Variants in KCNIP4 observed in about 807,000 individuals in gnomAD.
KCNIP4 encodes the protein potassium voltage-gated channel interacting protein 4, also known as Kv channel-interacting protein 4.
A neutral mutation model predicts 34.0 loss-of-function variants in KCNIP4; 12 were observed. The ratio of observed to expected loss-of-function variants is 0.35; its 90% CI spans 0.23 to 0.57. The LOEUF is 0.57. KCNIP4 is among the 20% of genes least tolerant of loss of function. The pLI, the probability that KCNIP4 is intolerant of heterozygous loss-of-function variation, is 0.83. For synonymous variants in KCNIP4, 124 were observed against 102.2 expected (o/e 1.21, Z -1.29); for missense variants, 238 against 311.7 (o/e 0.76, Z 1.78).
chr4:21,235,621 T>C (rs967885230), intron 1 of KCNIP4, among the ~76,000 whole-genome samples: 2 of 152,218 alleles, frequency 1.3e-5, no homozygotes, highest in African/African-American at 4.8e-5. Flanking sequence ...GCTATATTTC[T>C]CTTGACAACA....
At chr4:21,620,802 C>G (rs533972413) in intron 1 of KCNIP4, among the ~76,000 whole-genome samples, 3 of 152,172 alleles carry the variant, frequency 2.0e-5, no homozygotes, top group African/African-American at 7.2e-5. Flanking sequence ...TGCCCATGTA[C>G]TTAGCCAAGG....
intron 1 of KCNIP4, among the ~76,000 whole-genome samples, chr4:21,895,766 A>G (rs1363399623): frequency 6.6e-6 from 1 of 152,218 alleles, no homozygotes; most frequent in Non-Finnish European, 1.5e-5. Context: ...AAAGTGGCCC[A>G]TAGCATCTGT....
chr4:21,278,149 C>A (rs1762549878), intron 1 of KCNIP4, among the ~76,000 whole-genome samples: 1 of 151,902 alleles, frequency 6.6e-6, no homozygotes, highest in Non-Finnish European at 1.5e-5. Flanking sequence ...AATGAGAGAG[C>A]AGCAAATCAG....
At chr4:20,741,802 A>G (rs561364365) in intron 5 of KCNIP4, among the ~76,000 whole-genome samples, 1 of 152,214 alleles carries the variant, frequency 6.6e-6, no homozygotes, top group African/African-American at 2.4e-5. Context: ...GAAAAGATCA[A>G]CAAAATTGAT....
intron 1 of KCNIP4, among the ~76,000 whole-genome samples, chr4:21,499,184 A>C (rs926058338): frequency 5.9e-5 from 9 of 152,080 alleles, no homozygotes; most frequent in African/African-American, 2.2e-4. Context: ...TACAAAAATT[A>C]GTCAGGCGTG....
At chr4:21,773,442 C>G (rs115529069) in intron 1 of KCNIP4, among the ~76,000 whole-genome samples, 1,574 of 152,244 alleles carry the variant, frequency 0.01, 16 homozygotes, top group Non-Finnish European at 0.019. Flanking sequence ...CCACTTGATC[C>G]AGAGATGAGT....
intron 1 of KCNIP4, among the ~76,000 whole-genome samples, chr4:21,573,530 C>G (rs1740509752): frequency 6.6e-6 from 1 of 151,904 alleles, no homozygotes; most frequent in Non-Finnish European, 1.5e-5. Context: ...TCTTTTCTAA[C>G]AGTTTGAACC....
chr4:21,760,454 TTA>T (rs1717973699), intron 1 of KCNIP4, among the ~76,000 whole-genome samples: 1 of 149,494 alleles, frequency 6.7e-6, no homozygotes, highest in Non-Finnish European at 1.5e-5. Context: ...GTTCATGTTT[TTA>T]TTAAAGTAAA....
At chr4:20,837,686 A>ATAT (rs1350419753) in intron 3 of KCNIP4, among the ~76,000 whole-genome samples, 36 of 117,398 alleles carry the variant, frequency 3.1e-4, no homozygotes, top group East Asian at 1.5e-3. Context: ...ATATATATAT[A>ATAT]TTTTTTTTTC....
chr4:21,097,242 A>G (rs1478435521), intron 1 of KCNIP4, among the ~76,000 whole-genome samples: 1 of 152,220 alleles, frequency 6.6e-6, no homozygotes, highest in Non-Finnish European at 1.5e-5. Context: ...TCATAGCCAT[A>G]CAACAGAACA....
intron 1 of KCNIP4, among the ~76,000 whole-genome samples, chr4:21,487,670 A>G (rs1178278699): frequency 6.6e-6 from 1 of 152,196 alleles, no homozygotes; most frequent in Non-Finnish European, 1.5e-5. Context: ...TTCTGCATAG[A>G]GACTTATCTA....
chr4:21,528,325 A>G (rs959284132), intron 1 of KCNIP4, among the ~76,000 whole-genome samples: 1 of 152,012 alleles, frequency 6.6e-6, no homozygotes, highest in African/African-American at 2.4e-5. Context: ...TTGACCAGCG[A>G]CAGTTCATGT....
chr4:20,729,225 C>CTATATACTGGAGGATAG lies in KCNIP4; in HGVS notation c.*840_*856dup, dbSNP rs563109869. On this transcript the variant is annotated 3_prime_UTR_variant, in exon 9 of 9. Transcript: ENST00000382152. The stretch of plus-strand genomic sequence containing the variant: ...TAGGATTACTTGTTATTAAGCATTA[C>CTATATACTGGAGGATAG]TATATACTGGAGGATAGATATCCTG... 1.3e-3 allele frequency: 192 copies of CTATATACTGGAGGATAG among 152,476 alleles called. No individual in the cohort carries two copies. Among genetic ancestry groups the CTATATACTGGAGGATAG allele is most frequent in the African/African-American group, 4.4e-3 (182 of 41,536 alleles). 9.4% of individuals were successfully genotyped at this position (152,476 alleles called of 1,614,324 possible). A position where few individuals can be genotyped will look rare whatever the true frequency, so the allele number is the denominator to read the frequency against.
chr4:21,335,154 G>GA (rs35113686), intron 1 of KCNIP4, among the ~76,000 whole-genome samples: 80 of 150,102 alleles, frequency 5.3e-4, no homozygotes, highest in Middle Eastern at 6.8e-3. Context: ...AATTTAGTAG[G>GA]AAAAAAAAAT....
At chr4:21,165,903 C>T (rs1371589380) in intron 1 of KCNIP4, among the ~76,000 whole-genome samples, 1 of 152,152 alleles carries the variant, frequency 6.6e-6, no homozygotes, top group Non-Finnish European at 1.5e-5. Context: ...TAAATTCCTG[C>T]CTTAGAAAAG....
intron 1 of KCNIP4, among the ~76,000 whole-genome samples, chr4:20,894,743 T>G (rs1246289882): frequency 3.3e-5 from 5 of 152,192 alleles, no homozygotes; most frequent in African/African-American, 4.8e-5. Flanking sequence ...TCTTGTGAAA[T>G]GTATAATCTA....
chr4:21,657,877 G>T (rs939955787), intron 1 of KCNIP4, among the ~76,000 whole-genome samples: 2 of 144,672 alleles, frequency 1.4e-5, no homozygotes, highest in Admixed American at 7.0e-5. Context: ...GTCTCGCTTT[G>T]TCGCCAGGCT....
chr4:21,788,988 G>T (rs1047615599), intron 1 of KCNIP4, among the ~76,000 whole-genome samples: 1 of 148,298 alleles, frequency 6.7e-6, no homozygotes, highest in East Asian at 2.0e-4. Flanking sequence ...CAGAAGGATT[G>T]CTTGAACCCG....
At chr4:21,004,275 G>C (rs529789600) in intron 1 of KCNIP4, among the ~76,000 whole-genome samples, 1 of 152,304 alleles carries the variant, frequency 6.6e-6, no homozygotes, top group African/African-American at 2.4e-5. Flanking sequence ...GATTTTTTGA[G>C]AGGTAAAATA....
Sources: allele counts gnomAD v4.1 joint callset (sites outside exome capture counted in the v4.1 genomes callset), GRCh38; gene constraint gnomAD v4.1.1; transcripts MANE v1.5; gene names NCBI Gene and HGNC (gene_info 2026-07-23, HGNC 2026-07-21).